Variants in FDFT1 observed in about 807,000 individuals in gnomAD.
The protein encoded by FDFT1 is squalene synthase.
A neutral mutation model predicts 46.8 loss-of-function variants in FDFT1; 68 were observed. That is an observed-to-expected ratio of 1.45 (90% CI 1.19 to 1.78). The LOEUF (loss-of-function observed/expected upper bound fraction) is 1.78, where lower values mean the gene tolerates loss of function less well. Among genes scored for constraint, FDFT1 ranks in the 40% most tolerant of loss-of-function variants. The pLI, the probability that FDFT1 is intolerant of heterozygous loss-of-function variation, is 0.00. For missense variants in FDFT1, 928 were observed against 524.4 expected (o/e 1.77, Z -7.52); for synonymous variants, 351 against 185.1 (o/e 1.90, Z -7.28).
At position 11,826,088 on chromosome 8, in the gene FDFT1, T is replaced by C; in HGVS notation, c.575T>C (p.Phe192Ser). ...TCCCGTCTTTTCTCAGCCTCAGAGT[T>C]TGAAGACCCCTTAGTTGGTGAAGAT... ...GLSRLFSASE[F>S]EDPLVGEDTE... The change falls in exon 5 of 8, where the codon TTT (phenylalanine) becomes TCT (serine). Residue 192 changes from phenylalanine to serine, a missense_variant. Coordinates refer to ENST00000220584, the MANE Select transcript of FDFT1 (RefSeq NM_004462.5). 6.2e-7 allele frequency: 1 copy of C among 1,610,068 alleles called. No individual in the cohort carries two copies. The highest frequency in any genetic ancestry group is 8.5e-7 in the Non-Finnish European group (1 of 1,176,844).
At chr8:11,824,815 AAGCTCCAC>A (rs1809742870) in intron 4 of FDFT1, among the ~76,000 whole-genome samples, 1 of 151,966 alleles carries the variant, frequency 6.6e-6, no homozygotes. Flanking sequence ...GGCTCCCTGC[AAGCTCCAC>A]CTCCTGGGTT....
upstream of FDFT1, chr8:11,802,350 C>A (rs1425082477): frequency 4.7e-6 from 2 of 422,350 alleles, no homozygotes; most frequent in East Asian, 1.4e-4. Flanking sequence ...GGGGAGGAAG[C>A]AGCCCCGCAC....
chr8:11,808,266 G>A (rs1056473137), intron 1 of FDFT1: 19 of 1,213,620 alleles, frequency 1.6e-5, no homozygotes, highest in East Asian at 1.3e-4. Context: ...CTGGGAGGAC[G>A]AGCGAGCCGC....
intron 3 of FDFT1, among the ~76,000 whole-genome samples, chr8:11,818,808 A>G (rs367551781): frequency 2.6e-5 from 4 of 152,054 alleles, no homozygotes; most frequent in South Asian, 2.1e-4. Context: ...TGTTTATCCA[A>G]TTTGCCAGTC....
upstream of FDFT1, chr8:11,802,454 G>T (rs1348468295): frequency 2.2e-6 from 1 of 464,580 alleles, no homozygotes; most frequent in Non-Finnish European, 4.3e-6. Context: ...CTCCCAGCCG[G>T]GGTAAGCGGA....
intron 1 of FDFT1, among the ~76,000 whole-genome samples, chr8:11,804,380 C>T (rs1301122846): frequency 2.0e-5 from 3 of 152,122 alleles, no homozygotes; most frequent in Non-Finnish European, 4.4e-5. Flanking sequence ...TAGAGAAAGA[C>T]TTCACAGTAT....
At chr8:11,799,080 G>T (rs1445493594), upstream of FDFT1, among the ~76,000 whole-genome samples, 3 of 152,180 alleles carry the variant, frequency 2.0e-5, no homozygotes, top group African/African-American at 4.8e-5. Context: ...GAACAAACAT[G>T]TATGTAATAT....
At chr8:11,809,646 A>G (rs569763681) in intron 2 of FDFT1, 21 bp from the exon 3 acceptor site, 15 of 1,574,908 alleles carry the variant, frequency 9.5e-6, no homozygotes, top group South Asian at 2.3e-5. Flanking sequence ...CAATATATTA[A>G]TAGTTTTCCC....
At chr8:11,806,308 C>A (rs1294497681) in intron 1 of FDFT1, among the ~76,000 whole-genome samples, 1 of 152,158 alleles carries the variant, frequency 6.6e-6, no homozygotes, top group Non-Finnish European at 1.5e-5. Context: ...CTTGCTTTCT[C>A]CCCTGGCTCA....
chr8:11,819,540 T>C (rs1808932277), intron 3 of FDFT1, among the ~76,000 whole-genome samples: 1 of 152,122 alleles, frequency 6.6e-6, no homozygotes, highest in Non-Finnish European at 1.5e-5. Context: ...CCTTTGTTCA[T>C]TTCTTTTCAT....
At chr8:11,821,333 C>G (rs1328536276) in intron 3 of FDFT1, among the ~76,000 whole-genome samples, 2 of 152,196 alleles carry the variant, frequency 1.3e-5, no homozygotes, top group Non-Finnish European at 2.9e-5. Flanking sequence ...TGGCTTATGC[C>G]TGTAATCCCA....
intron 3 of FDFT1, among the ~76,000 whole-genome samples, chr8:11,821,262 C>A (rs542424872): frequency 2.0e-5 from 3 of 152,194 alleles, no homozygotes; most frequent in African/African-American, 7.2e-5. Flanking sequence ...CATTTTTAGA[C>A]CATTCTATTT....
chr8:11,829,657 T>C (rs1248919368), intron 5 of FDFT1, among the ~76,000 whole-genome samples: 1 of 152,134 alleles, frequency 6.6e-6, no homozygotes, highest in East Asian at 1.9e-4. Context: ...TTCGTCCAAG[T>C]AGTGCAGTGT....
chr8:11,823,144 G>A (rs778224966), intron 4 of FDFT1, among the ~76,000 whole-genome samples: 1 of 151,984 alleles, frequency 6.6e-6, no homozygotes, highest in African/African-American at 2.4e-5. Context: ...TTTGTAGAGA[G>A]AGGGTTTTGC....
upstream of FDFT1, among the ~76,000 whole-genome samples, chr8:11,799,448 C>G (rs1435205856): frequency 2.0e-5 from 3 of 152,350 alleles, no homozygotes; most frequent in Non-Finnish European, 2.9e-5. Flanking sequence ...GGGTGCCTGA[C>G]TTCACCATTG....
chr8:11,808,384 C>A (rs1807172616), intron 1 of FDFT1: 2 of 1,234,702 alleles, frequency 1.6e-6, no homozygotes, highest in Non-Finnish European at 2.0e-6. Context: ...GGCTGCGGGG[C>A]TGCGGGGCGG....
At chr8:11,802,735 C>G, upstream of FDFT1, 1 of 914,556 alleles carries the variant, frequency 1.1e-6, no homozygotes, top group Non-Finnish European at 1.7e-6. Context: ...GTCCGGCCAG[C>G]CCCTCGAAGC....
chr8:11,820,285 G>T (rs560329299), intron 3 of FDFT1, among the ~76,000 whole-genome samples: 35 of 152,298 alleles, frequency 2.3e-4, no homozygotes, highest in Non-Finnish European at 3.7e-4. Context: ...TCTCCTCCCA[G>T]TCAGGCTACA....
chr8:11,803,286 G>A, intron 1 of FDFT1: 2 of 1,321,930 alleles, frequency 1.5e-6, no homozygotes, highest in Non-Finnish European at 9.9e-7. Context: ...GGGAGAGGAC[G>A]AGTGAGTTTT....
Sources: allele counts gnomAD v4.1 joint callset (sites outside exome capture counted in the v4.1 genomes callset), GRCh38; gene constraint gnomAD v4.1.1; transcripts MANE v1.5; gene names NCBI Gene and HGNC (gene_info 2026-07-23, HGNC 2026-07-21).